GMDS: variants seen among roughly 807,000 people sequenced by gnomAD.
GMDS encodes the protein GDP-mannose 4,6 dehydratase.
GMDS carries 20 observed loss-of-function variants against 49.9 expected under a neutral mutation model. The ratio of observed to expected loss-of-function variants is 0.40; its 90% CI spans 0.28 to 0.58. The LOEUF (loss-of-function observed/expected upper bound fraction) is 0.58, where lower values mean the gene tolerates loss of function less well. Among genes scored for constraint, GMDS ranks in the 20% least tolerant of loss-of-function variants. The pLI is 0.42. For missense variants in GMDS, 362 were observed against 481.4 expected (o/e 0.75, Z 2.32); for synonymous variants, 177 against 178.6 (o/e 0.99, Z 0.07).
At chr6:2,245,284 G>T in intron 1 of GMDS, 37 bp downstream of exon 1, 1 of 1,368,104 alleles carries the variant, frequency 7.3e-7, no homozygotes, top group Non-Finnish European at 1.0e-6. Context: ...GCGTGCCCAG[G>T]CTGCCTCGGC....
chr6:1,643,598 G>A (rs1763398597), intron 9 of GMDS, among the ~76,000 whole-genome samples: 1 of 152,152 alleles, frequency 6.6e-6, no homozygotes, highest in Non-Finnish European at 1.5e-5. Context: ...CGGAAGTTCA[G>A]AATCAGCAGA....
At chr6:1,960,436 T>C (rs1164815053) in intron 5 of GMDS, among the ~76,000 whole-genome samples, 1 of 152,088 alleles carries the variant, frequency 6.6e-6, no homozygotes, top group Non-Finnish European at 1.5e-5. Context: ...ACATGAAACC[T>C]TATCACTTCA....
At chr6:2,094,828 C>T (rs955708936) in intron 4 of GMDS, among the ~76,000 whole-genome samples, 21 of 152,164 alleles carry the variant, frequency 1.4e-4, no homozygotes, top group African/African-American at 4.8e-4. Flanking sequence ...AGGGAAGCTA[C>T]AGAAAAGACC....
intron 9 of GMDS, among the ~76,000 whole-genome samples, chr6:1,702,033 C>A (rs1278049056): frequency 1.3e-5 from 2 of 152,204 alleles, no homozygotes; most frequent in Admixed American, 1.3e-4. Context: ...TCAAATGACG[C>A]ACGCCTCTCT....
chr6:1,842,532 C>A (rs1757193885), intron 7 of GMDS, among the ~76,000 whole-genome samples: 1 of 152,328 alleles, frequency 6.6e-6, no homozygotes, highest in Admixed American at 6.5e-5. Context: ...GACTTACAGC[C>A]ACAGCAGGGA....
intron 4 of GMDS, among the ~76,000 whole-genome samples, chr6:2,065,321 GA>G (rs1308781357): frequency 6.6e-6 from 1 of 152,104 alleles, no homozygotes. Flanking sequence ...CAAAGACGGG[GA>G]AAAAACACAG....
At chr6:1,742,896 G>T (rs141771689) in intron 7 of GMDS, among the ~76,000 whole-genome samples, 10 of 152,180 alleles carry the variant, frequency 6.6e-5, no homozygotes, top group African/African-American at 1.7e-4. Context: ...AGACCACAAC[G>T]TAGAGGAATG....
At chr6:2,015,255 C>T (rs779039656) in intron 4 of GMDS, among the ~76,000 whole-genome samples, 28 of 152,164 alleles carry the variant, frequency 1.8e-4, no homozygotes, top group Non-Finnish European at 3.1e-4. Context: ...ATTCTCTTCA[C>T]TGTCACATAA....
At chr6:2,185,137 T>C (rs558019978) in intron 1 of GMDS, among the ~76,000 whole-genome samples, 13 of 152,368 alleles carry the variant, frequency 8.5e-5, no homozygotes, top group African/African-American at 3.1e-4. Flanking sequence ...TCCTGAGTTC[T>C]GAAAAATCTT....
intron 4 of GMDS, among the ~76,000 whole-genome samples, chr6:2,039,171 C>T (rs913610845): frequency 6.6e-6 from 1 of 152,078 alleles, no homozygotes; most frequent in African/African-American, 2.4e-5. Context: ...TGTTTATAAA[C>T]ACGAAAAGTA....
At chr6:2,059,265 A>T (rs1010455457) in intron 4 of GMDS, among the ~76,000 whole-genome samples, 1 of 149,970 alleles carries the variant, frequency 6.7e-6, no homozygotes, top group African/African-American at 2.4e-5. Context: ...AAAATATGTA[A>T]TTTATTTGAA....
At chr6:1,697,930 T>C (rs1239750231) in intron 9 of GMDS, among the ~76,000 whole-genome samples, 1 of 152,250 alleles carries the variant, frequency 6.6e-6, no homozygotes, top group East Asian at 1.9e-4. Context: ...GAATCCAGTA[T>C]GGCTGCGGAC....
chr6:1,666,360 G>C (rs185053771), intron 9 of GMDS, among the ~76,000 whole-genome samples: 2 of 152,054 alleles, frequency 1.3e-5, no homozygotes, highest in Non-Finnish European at 2.9e-5. Context: ...GATGCACCAA[G>C]ACCAAGAATA....
chr6:1,842,795 C>T (rs1349975252), intron 7 of GMDS, among the ~76,000 whole-genome samples: 1 of 152,146 alleles, frequency 6.6e-6, no homozygotes, highest in Admixed American at 6.5e-5. Flanking sequence ...CAATGAGGTA[C>T]AGAGGCTCAC....
At chr6:1,901,530 C>T (rs1760504867) in intron 7 of GMDS, among the ~76,000 whole-genome samples, 1 of 152,132 alleles carries the variant, frequency 6.6e-6, no homozygotes, top group South Asian at 2.1e-4. Flanking sequence ...GTTGAAGACC[C>T]CATATTATGG....
intron 1 of GMDS, among the ~76,000 whole-genome samples, chr6:2,160,259 A>G (rs1777328280): frequency 6.6e-6 from 1 of 152,234 alleles, no homozygotes; most frequent in African/African-American, 2.4e-5. Context: ...AAGTTCGGAT[A>G]ACAATTTCTC....
chr6:2,200,681 G>A (rs1359017263), intron 1 of GMDS, among the ~76,000 whole-genome samples: 1 of 149,520 alleles, frequency 6.7e-6, no homozygotes, highest in Non-Finnish European at 1.5e-5. Flanking sequence ...CATCTAGGCA[G>A]TGAGGGCAGC....
Position 1,863,613 on chromosome 6 carries a change from C to T in GMDS, c.771+66490G>A, listed in dbSNP as rs560337078. ...GAGCAGTAATTTAAAAATTCTGACACGTCCCACAAGCTTCTTTTAAGTCTT... is the reference window on the plus strand; with the variant it reads ...GAGCAGTAATTTAAAAATTCTGACATGTCCCACAAGCTTCTTTTAAGTCTT... On this transcript the variant is annotated intron_variant, in intron 7 of 10. Transcript: ENST00000380815. Among the ~76,000 whole-genome samples the T allele has an allele frequency of 1.1e-4, 17 of 152,256 alleles. No homozygotes were observed. The East Asian group carries it at 2.1e-3, about 19-fold the overall frequency.
intron 9 of GMDS, among the ~76,000 whole-genome samples, chr6:1,636,729 C>T (rs1354690284): frequency 6.6e-6 from 1 of 152,228 alleles, no homozygotes; most frequent in Non-Finnish European, 1.5e-5. Context: ...CCTTACCACG[C>T]TACGGTTATG....
Sources: gnomAD v4.1 joint callset for allele counts (sites outside exome capture counted in the v4.1 genomes callset) on GRCh38, gnomAD v4.1.1 for gene constraint, MANE v1.5 for transcripts, NCBI Gene and HGNC (gene_info 2026-07-23, HGNC 2026-07-21) for gene names.